Variants in LRRTM4 observed in about 807,000 individuals in gnomAD.
The protein encoded by LRRTM4 is leucine rich repeat transmembrane neuronal 4, also known as leucine-rich repeat transmembrane neuronal protein 4.
In LRRTM4, 25 loss-of-function variants were observed where a neutral mutation model predicts 47.6. That is an observed-to-expected ratio of 0.53 (90% CI 0.38 to 0.73). The LOEUF (loss-of-function observed/expected upper bound fraction) is 0.73. Among genes scored for constraint, LRRTM4 ranks in the 30% least tolerant of loss-of-function variants. The probability of loss-of-function intolerance (pLI) is 0.00; values close to 1 mark genes in which losing one functional copy is unlikely to be tolerated. For synonymous variants in LRRTM4, 311 were observed against 269.5 expected, an observed-to-expected ratio of 1.15 and a Z score of -1.51; for missense variants, 638 against 713.4, an observed-to-expected ratio of 0.89 and a Z score of 1.20.
At chr2:76,781,756 A>G (rs75496822) in intron 3 of LRRTM4, among the ~76,000 whole-genome samples, 2,988 of 152,226 alleles carry the variant, frequency 0.02, 110 homozygotes, top group African/African-American at 0.066. Flanking sequence ...AGCTGTTCCT[A>G]TTCTCATTTC....
chr2:77,439,371 T>C (rs969581932), intron 3 of LRRTM4, among the ~76,000 whole-genome samples: 1 of 152,084 alleles, frequency 6.6e-6, no homozygotes, highest in Non-Finnish European at 1.5e-5. Context: ...TAAAGAAAAA[T>C]ACGGGCAAAA....
intron 3 of LRRTM4, among the ~76,000 whole-genome samples, chr2:77,037,195 T>C (rs1678866449): frequency 6.6e-6 from 1 of 151,766 alleles, no homozygotes; most frequent in Admixed American, 6.6e-5. Flanking sequence ...TATATGTCTA[T>C]ATACAGAGAG....
intron 3 of LRRTM4, among the ~76,000 whole-genome samples, chr2:77,278,930 G>A (rs1055692645): frequency 6.6e-6 from 1 of 151,882 alleles, no homozygotes; most frequent in Non-Finnish European, 1.5e-5. Context: ...AAAACCATGA[G>A]ACTTTACACA....
At chr2:76,773,997 T>C (rs1373474670) in intron 3 of LRRTM4, among the ~76,000 whole-genome samples, 1 of 152,032 alleles carries the variant, frequency 6.6e-6, no homozygotes, top group Non-Finnish European at 1.5e-5. Context: ...CTTTGAACAA[T>C]GTGCGGATGA....
At chr2:77,170,751 C>T (rs1673024282) in intron 3 of LRRTM4, among the ~76,000 whole-genome samples, 1 of 150,744 alleles carries the variant, frequency 6.6e-6, no homozygotes, top group African/African-American at 2.4e-5. Flanking sequence ...TGTTTTATCA[C>T]TATATTTATA....
chr2:76,861,266 G>C (rs1672303995), intron 3 of LRRTM4, among the ~76,000 whole-genome samples: 1 of 151,982 alleles, frequency 6.6e-6, no homozygotes, highest in South Asian at 2.1e-4. Flanking sequence ...AAAATTCCAG[G>C]AATGCAGAAG....
chr2:77,238,762 T>C (rs947695886), intron 3 of LRRTM4, among the ~76,000 whole-genome samples: 1 of 151,870 alleles, frequency 6.6e-6, no homozygotes, highest in Non-Finnish European at 1.5e-5. Flanking sequence ...AAACTTCTCA[T>C]AAAAGAACTA....
intron 3 of LRRTM4, among the ~76,000 whole-genome samples, chr2:77,343,119 T>C (rs1214620462): frequency 6.6e-6 from 1 of 151,948 alleles, no homozygotes; most frequent in Non-Finnish European, 1.5e-5. Context: ...TCGTTTGAGG[T>C]AAGTAGAAAC....
intron 3 of LRRTM4, among the ~76,000 whole-genome samples, chr2:77,039,005 C>T (rs1678936099): frequency 6.6e-6 from 1 of 151,128 alleles, no homozygotes; most frequent in Non-Finnish European, 1.5e-5. Context: ...GTCAACAGAC[C>T]TCTAAAAACC....
In LRRTM4 at chr2:77,039,109, GTAAT is replaced by G. The variant is rs1017112325; in HGVS notation, c.1552-290197_1552-290194del. Among the ~76,000 whole-genome samples, 20 of 151,298 alleles carry G rather than the reference GTAAT, an allele frequency of 1.3e-4. No homozygotes were observed. In the East Asian group the frequency reaches 2.7e-3, roughly 21 times the overall value. ...TTAAAAAATAAATTGATCAAGGGAA[GTAAT>G]TAATTTATAAAATGATAAGAAAAAA... is the stretch of plus-strand genomic sequence containing the variant. On this transcript the variant is annotated intron_variant, in intron 3 of 3. Coordinates refer to ENST00000409884, the MANE Select transcript of LRRTM4 (RefSeq NM_001134745.3).
chr2:76,875,052 C>A (rs1266030691), intron 3 of LRRTM4, among the ~76,000 whole-genome samples: 4 of 152,134 alleles, frequency 2.6e-5, no homozygotes, highest in Middle Eastern at 6.8e-3. Flanking sequence ...TTTTTGAAGT[C>A]ATTTTAATGT....
At chr2:76,832,834 G>A (rs1458482581) in intron 3 of LRRTM4, among the ~76,000 whole-genome samples, 1 of 152,014 alleles carries the variant, frequency 6.6e-6, no homozygotes, top group African/African-American at 2.4e-5. Flanking sequence ...TGCAAGGTTT[G>A]CAGAGGAAAG....
chr2:76,894,548 G>A (rs1020578952), intron 3 of LRRTM4, among the ~76,000 whole-genome samples: 6 of 152,016 alleles, frequency 3.9e-5, no homozygotes, highest in African/African-American at 1.4e-4. Flanking sequence ...TTATCCATAT[G>A]ATTCTTTTAA....
At chr2:77,011,384 G>C (rs967220928) in intron 3 of LRRTM4, among the ~76,000 whole-genome samples, 5 of 152,032 alleles carry the variant, frequency 3.3e-5, no homozygotes, top group Non-Finnish European at 7.4e-5. Context: ...ATAGAATACA[G>C]CTGGGATAGG....
intron 3 of LRRTM4, among the ~76,000 whole-genome samples, chr2:77,111,832 G>GA (rs529864985): frequency 6.0e-5 from 9 of 151,086 alleles, no homozygotes; most frequent in East Asian, 1.9e-4. Context: ...GACTGCAGAA[G>GA]AAAAAAAAAT....
In LRRTM4 at chr2:76,749,320, ATAAT is replaced by A. The variant is rs1200454297; in HGVS notation, c.1552-408_1552-405del. ...GCAAGATATGGTACTAAGTAGAAAA[ATAAT>A]TAAGGTGCAAAAGAATGTATGGTAT... is the stretch of plus-strand genomic sequence containing the variant. On this transcript the variant is annotated intron_variant, in intron 3 of 3. Transcript: ENST00000409884. 2.6e-5 allele frequency among the ~76,000 whole-genome samples: 4 copies of A among 152,170 alleles called. No individual in the cohort carries two copies. In the East Asian group the frequency reaches 7.7e-4, roughly 29 times the overall value.
chr2:77,205,955 C>G (rs1483027562), intron 3 of LRRTM4, among the ~76,000 whole-genome samples: 1 of 151,906 alleles, frequency 6.6e-6, no homozygotes, highest in African/African-American at 2.4e-5. Flanking sequence ...CCCACCTCAG[C>G]CTCCCCAGTA....
chr2:76,901,487 G>C (rs913709931), intron 3 of LRRTM4, among the ~76,000 whole-genome samples: 2 of 152,032 alleles, frequency 1.3e-5, no homozygotes, highest in South Asian at 2.1e-4. Flanking sequence ...ACAGAAAAAA[G>C]GGAGAGCAGT....
chr2:77,507,803 C>A (rs902172174), intron 3 of LRRTM4, among the ~76,000 whole-genome samples: 1 of 151,864 alleles, frequency 6.6e-6, no homozygotes, highest in African/African-American at 2.4e-5. Context: ...AAATGGAATT[C>A]CAGAGTGGCA....
Sources: allele counts gnomAD v4.1 joint callset (sites outside exome capture counted in the v4.1 genomes callset), GRCh38; gene constraint gnomAD v4.1.1; transcripts MANE v1.5; gene names NCBI Gene and HGNC (gene_info 2026-07-23, HGNC 2026-07-21).